The following ACTG2 variants were observed in gnomAD, a reference collection of about 807,000 sequenced individuals.
The protein encoded by ACTG2 is actin gamma 2, smooth muscle.
A neutral mutation model predicts 37.6 loss-of-function variants in ACTG2; 16 were observed. The observed-to-expected ratio is 0.43, with a 90% CI of 0.29 to 0.65. ACTG2 has a LOEUF of 0.65. ACTG2 is among the 30% of genes least tolerant of loss of function. ACTG2 has a pLI of 0.18. For synonymous variants in ACTG2, 181 were observed against 179.9 expected, an observed-to-expected ratio of 1.01 and a Z score of -0.05; for missense variants, 238 against 490.9, an observed-to-expected ratio of 0.48 and a Z score of 4.87.
At chr2:73,906,512 C>T (rs1680019865) in intron 3 of ACTG2, among the ~76,000 whole-genome samples, 1 of 151,172 alleles carries the variant, frequency 6.6e-6, no homozygotes, top group South Asian at 2.1e-4. Flanking sequence ...CTAGGATCTT[C>T]CTCTGTCGCC....
At chr2:73,904,645 G>A (rs1679968893) in intron 3 of ACTG2, among the ~76,000 whole-genome samples, 7 of 134,780 alleles carry the variant, frequency 5.2e-5, no homozygotes, top group Admixed American at 4.2e-4. Flanking sequence ...GCAACAGAGT[G>A]AGACCCTATA....
chr2:73,913,774 C>T (rs1227092841), intron 6 of ACTG2, 128 bp downstream of exon 6: 5 of 797,322 alleles, frequency 6.3e-6, no homozygotes, highest in South Asian at 2.0e-5. Context: ...GACTGAGAGG[C>T]CTTAAGCTGG....
At chr2:73,900,021 C>A (rs1265026486) in intron 1 of ACTG2, among the ~76,000 whole-genome samples, 1 of 152,222 alleles carries the variant, frequency 6.6e-6, no homozygotes, top group African/African-American at 2.4e-5. Context: ...TGTCTCCTCT[C>A]TGCTTCAGTA....
At chr2:73,899,004 G>T (rs374351188) in intron 1 of ACTG2, among the ~76,000 whole-genome samples, 1 of 151,708 alleles carries the variant, frequency 6.6e-6, no homozygotes, top group Non-Finnish European at 1.5e-5. Context: ...TAGAGACGGG[G>T]TTTCACCATG....
At chr2:73,905,775 CTTT>C (rs1680003409) in intron 3 of ACTG2, among the ~76,000 whole-genome samples, 1 of 152,002 alleles carries the variant, frequency 6.6e-6, no homozygotes, top group Non-Finnish European at 1.5e-5. Flanking sequence ...GAATCTTCTT[CTTT>C]GGAAAACATC....
intron 3 of ACTG2, among the ~76,000 whole-genome samples, chr2:73,906,211 G>C (rs1020837003): frequency 6.6e-6 from 1 of 151,764 alleles, no homozygotes; most frequent in South Asian, 2.1e-4. Context: ...CAGCACTTTG[G>C]GAGGCGGAGG....
At chr2:73,908,293 C>G (rs1461082338) in intron 3 of ACTG2, 1 of 472,616 alleles carries the variant, frequency 2.1e-6, no homozygotes, top group Non-Finnish European at 4.4e-6. Flanking sequence ...TTTCCAGCCT[C>G]TTGCAGGAAT....
Position 73,901,334 on chromosome 2 carries a change from C to T in ACTG2, c.23C>T (p.Ala8Val), listed in dbSNP as rs965625894. 3 of 1,611,342 alleles carry T rather than the reference C, an allele frequency of 1.9e-6. No individual in the cohort carries two copies. Among genetic ancestry groups the T allele is most frequent in the South Asian group, 1.1e-5 (1 of 90,790 alleles). Residue 8 changes from alanine to valine, a missense_variant, in exon 2 of 9, where the codon GCG (alanine) becomes GTG (valine). Transcript: ENST00000345517. MCEEETT[A>V]LVCDNGSGLC... ...ACCATGTGTGAAGAGGAGACCACCG[C>T]GCTCGTGTGTGACAATGGCTCTGGC... is the stretch of plus-strand genomic sequence containing the variant.
At chr2:73,893,738 C>G (rs1273604655) in intron 1 of ACTG2, among the ~76,000 whole-genome samples, 1 of 152,212 alleles carries the variant, frequency 6.6e-6, no homozygotes, top group African/African-American at 2.4e-5. Flanking sequence ...TAGAGACGTA[C>G]AGCCACTCAT....
At chr2:73,896,347 C>CAA (rs59825980) in intron 1 of ACTG2, among the ~76,000 whole-genome samples, 2,134 of 125,216 alleles carry the variant, frequency 0.017, 75 homozygotes, top group African/African-American at 0.062. Flanking sequence ...CCCAGTATCT[C>CAA]AAAAAAAAAA....
At chr2:73,912,390 C>T (rs1166804799) in intron 5 of ACTG2, among the ~76,000 whole-genome samples, 1 of 152,236 alleles carries the variant, frequency 6.6e-6, no homozygotes, top group Non-Finnish European at 1.5e-5. Context: ...CTCCTGACCT[C>T]AAGTGATCTG....
rs1049759071 is a variant in ACTG2, at chr2:73,900,303, C to T, written c.-36-973C>T. Among the ~76,000 whole-genome samples, 3 of 152,136 alleles carry T rather than the reference C, an allele frequency of 2.0e-5. 1 individual carries two copies. Among genetic ancestry groups the T allele is most frequent in the South Asian group, 2.1e-4 (1 of 4,830 alleles). ...TAGGAGGCAATCTCTGACTGTCTTCCGAGGCTCTGTTGCTTCTCCTTCATC... is the reference window on the plus strand; with the variant it reads ...TAGGAGGCAATCTCTGACTGTCTTCTGAGGCTCTGTTGCTTCTCCTTCATC... On this transcript the variant is annotated intron_variant, in intron 1 of 8. Transcript: ENST00000345517.
chr2:73,917,306 C>T (rs1653252), intron 8 of ACTG2, among the ~76,000 whole-genome samples: 78,715 of 152,060 alleles, frequency 0.52, 22,227 homozygotes, highest in Non-Finnish European at 0.61. Flanking sequence ...TTTATTGCTC[C>T]GAAGGAGGGT....
chr2:73,904,721 TTATA>T (rs1170340716), intron 3 of ACTG2, among the ~76,000 whole-genome samples: 1 of 145,472 alleles, frequency 6.9e-6, no homozygotes, highest in African/African-American at 2.5e-5. Context: ...AATCATTTCA[TTATA>T]TATCTATAAA....
At chr2:73,898,067 G>A (rs1679787160) in intron 1 of ACTG2, among the ~76,000 whole-genome samples, 1 of 152,192 alleles carries the variant, frequency 6.6e-6, no homozygotes, top group South Asian at 2.1e-4. Flanking sequence ...CCCTGGCACA[G>A]GAGGGACTCC....
intron 5 of ACTG2, among the ~76,000 whole-genome samples, chr2:73,912,427 C>G (rs2901502): frequency 0.6 from 91,908 of 152,074 alleles, 28,712 homozygotes; most frequent in Admixed American, 0.72. Flanking sequence ...AAAGTGCTGG[C>G]ATTACAGGCA....
chr2:73,906,184 G>T (rs1247523820), intron 3 of ACTG2, among the ~76,000 whole-genome samples: 1 of 152,028 alleles, frequency 6.6e-6, no homozygotes, highest in Non-Finnish European at 1.5e-5. Flanking sequence ...GGGCGCGGTG[G>T]CTCACGCCTG....
At chr2:73,909,766 G>A (rs988320413) in intron 5 of ACTG2, among the ~76,000 whole-genome samples, 16 of 152,318 alleles carry the variant, frequency 1.1e-4, no homozygotes, top group African/African-American at 2.9e-4. Context: ...TGGTACACCT[G>A]TGTAGGGCAC....
intron 8 of ACTG2, among the ~76,000 whole-genome samples, chr2:73,917,349 G>A (rs1033897202): frequency 6.6e-6 from 1 of 152,112 alleles, no homozygotes; most frequent in African/African-American, 2.4e-5. Context: ...TTGGTCATAG[G>A]GCCAGCTCTG....
Sources: gnomAD v4.1 joint callset for allele counts (sites outside exome capture counted in the v4.1 genomes callset) on GRCh38, gnomAD v4.1.1 for gene constraint, MANE v1.5 for transcripts, NCBI Gene and HGNC (gene_info 2026-07-23, HGNC 2026-07-21) for gene names.